LRCH3: variants seen among roughly 807,000 people sequenced by gnomAD.
LRCH3 encodes DISP complex protein LRCH3.
A neutral mutation model predicts 104.5 loss-of-function variants in LRCH3; 68 were observed. The ratio of observed to expected loss-of-function variants is 0.65; its 90% CI spans 0.54 to 0.80. LRCH3 has a LOEUF of 0.80. Among genes scored for constraint, LRCH3 ranks in the 30% least tolerant of loss-of-function variants. The pLI is 0.00. For synonymous variants in LRCH3, 344 were observed against 361.3 expected, an observed-to-expected ratio of 0.95 and a Z score of 0.54; for missense variants, 951 against 953.9, an observed-to-expected ratio of 1.00 and a Z score of 0.04.
At chr3:197,816,597 ATTTTAC>A (rs1471488041) in intron 2 of LRCH3, among the ~76,000 whole-genome samples, 5 of 152,018 alleles carry the variant, frequency 3.3e-5, no homozygotes, top group Non-Finnish European at 7.4e-5. Flanking sequence ...GTGTTTTATT[ATTTTAC>A]TTTTAGTTCT....
intron 14 of LRCH3, among the ~76,000 whole-genome samples, chr3:197,857,581 A>G (rs73892147): frequency 0.06 from 9,100 of 151,914 alleles, 911 homozygotes; most frequent in African/African-American, 0.2. Context: ...TACCCCTCAA[A>G]CTCCTGTTGC....
chr3:197,840,716 G>C (rs1416672394), intron 10 of LRCH3, among the ~76,000 whole-genome samples: 2 of 116,226 alleles, frequency 1.7e-5, no homozygotes, highest in East Asian at 4.9e-4. Context: ...TAAATGTGTA[G>C]GGAGAAAAAA....
intron 19 of LRCH3, among the ~76,000 whole-genome samples, chr3:197,873,310 C>T (rs548349952): frequency 6.6e-6 from 1 of 152,332 alleles, no homozygotes; most frequent in South Asian, 2.1e-4. Context: ...TTTAACTACA[C>T]CATCCAAAAC....
intron 10 of LRCH3, among the ~76,000 whole-genome samples, chr3:197,842,116 G>A (rs561891998): frequency 1.3e-5 from 2 of 152,084 alleles, no homozygotes; most frequent in Non-Finnish European, 2.9e-5. Context: ...GGGATTACAG[G>A]TGTGAGCCAC....
At chr3:197,865,575 A>G (rs1452596505) in intron 16 of LRCH3, 104 bp downstream of exon 16, 5 of 713,046 alleles carry the variant, frequency 7.0e-6, no homozygotes, top group Non-Finnish European at 8.4e-6. Flanking sequence ...TGTGTTGACC[A>G]GGGTGGTCTC....
chr3:197,830,723 A>T (rs1425559162), intron 6 of LRCH3, 47 bp from the exon 7 acceptor site: 2 of 1,477,220 alleles, frequency 1.4e-6, no homozygotes, highest in Admixed American at 1.8e-5. Context: ...TCAAATTTTA[A>T]TTGTTAAAAT....
At chr3:197,841,273 C>T (rs1239587777) in intron 10 of LRCH3, among the ~76,000 whole-genome samples, 2 of 152,152 alleles carry the variant, frequency 1.3e-5, no homozygotes, top group Non-Finnish European at 2.9e-5. Context: ...GTCCCCATTA[C>T]TGAGGTCCCC....
At chr3:197,837,423 C>T (rs1736981291) in intron 9 of LRCH3, among the ~76,000 whole-genome samples, 1 of 152,180 alleles carries the variant, frequency 6.6e-6, no homozygotes, top group South Asian at 2.1e-4. Context: ...GTATGGTAGT[C>T]TTTATGACTT....
intron 9 of LRCH3, among the ~76,000 whole-genome samples, chr3:197,836,385 C>A (rs1410213211): frequency 6.6e-6 from 1 of 152,164 alleles, no homozygotes; most frequent in East Asian, 1.9e-4. Context: ...GTGCATTCAG[C>A]CCACTACAGA....
intron 1 of LRCH3, among the ~76,000 whole-genome samples, chr3:197,797,340 A>AAAG (rs1731334673): frequency 6.6e-6 from 1 of 151,298 alleles, no homozygotes; most frequent in Non-Finnish European, 1.5e-5. Flanking sequence ...AAAAAAAAAA[A>AAAG]AAAAAAAGAT....
At chr3:197,847,788 C>A in intron 11 of LRCH3, 84 bp from the exon 12 acceptor site, 1 of 1,448,132 alleles carries the variant, frequency 6.9e-7, no homozygotes, top group Non-Finnish European at 9.5e-7. Flanking sequence ...CATGGGTCAA[C>A]AGTAGTTCCC....
chr3:197,875,484 C>T (rs929929298), intron 19 of LRCH3, among the ~76,000 whole-genome samples: 4 of 152,034 alleles, frequency 2.6e-5, no homozygotes, highest in East Asian at 1.9e-4. Context: ...GGCAACGTGG[C>T]GAACCCTGTC....
intron 4 of LRCH3, among the ~76,000 whole-genome samples, chr3:197,824,394 T>G (rs997774082): frequency 6.7e-6 from 1 of 149,526 alleles, no homozygotes; most frequent in Non-Finnish European, 1.5e-5. Context: ...AGGTAATAGT[T>G]TCTTATCTTT....
chr3:197,839,971 CAAAA>C (rs61011180), intron 10 of LRCH3, among the ~76,000 whole-genome samples: 1 of 111,166 alleles, frequency 9.0e-6, no homozygotes, highest in African/African-American at 3.2e-5. Flanking sequence ...GACCCTGTCT[CAAAA>C]AAAAAAAAAA....
At chr3:197,837,009 C>T (rs1580729063) in intron 9 of LRCH3, among the ~76,000 whole-genome samples, 1 of 151,968 alleles carries the variant, frequency 6.6e-6, no homozygotes, top group African/African-American at 2.4e-5. Flanking sequence ...AAAAAAAGGG[C>T]CTTGGTTTTT....
intron 9 of LRCH3, among the ~76,000 whole-genome samples, chr3:197,838,426 A>G (rs1044974733): frequency 6.6e-6 from 1 of 152,120 alleles, no homozygotes; most frequent in African/African-American, 2.4e-5. Context: ...TGTGTGATAT[A>G]CCTGTTTCTT....
At chr3:197,792,830 T>C (rs543640731) in intron 1 of LRCH3, among the ~76,000 whole-genome samples, 1 of 151,428 alleles carries the variant, frequency 6.6e-6, no homozygotes, top group Admixed American at 6.6e-5. Flanking sequence ...TTTTGGATTT[T>C]TATTAGAGAC....
Position 197,883,726 on chromosome 3 carries a change from CT to C in LRCH3, c.*61del, listed in dbSNP as rs1713979355. ...AACAAGGAACAGGACACCGTGATTG[CT>C]GCTGCCAGCTGTCTGCTTAAACAAA... On this transcript the variant is annotated 3_prime_UTR_variant, in exon 21 of 21. Transcript: ENST00000425562. The surrounding 1 kb of genome is among the most constrained non-coding windows in gnomAD (Gnocchi z 4.2). 6.1e-6 allele frequency: 9 copies of C among 1,477,494 alleles called. No individual in the cohort carries two copies. The highest frequency in any genetic ancestry group is 8.1e-6 in the Non-Finnish European group (9 of 1,111,914). 91.5% of individuals were successfully genotyped at this position (1,477,494 alleles called of 1,614,324 possible). A position where few individuals can be genotyped will look rare whatever the true frequency, so the allele number is the denominator to read the frequency against.
chr3:197,824,189 T>C (rs1215822705), intron 4 of LRCH3, among the ~76,000 whole-genome samples: 1 of 151,922 alleles, frequency 6.6e-6, no homozygotes, highest in East Asian at 2.0e-4. Flanking sequence ...CTCAGCCTCC[T>C]GAGTAGCTGG....
Sources: gnomAD v4.1 joint callset for allele counts (sites outside exome capture counted in the v4.1 genomes callset) on GRCh38, gnomAD v4.1.1 for gene constraint, Gnocchi (gnomAD v3.1) non-coding constraint, MANE v1.5 for transcripts, NCBI Gene and HGNC (gene_info 2026-07-23, HGNC 2026-07-21) for gene names.